Variants in OSBPL5 observed in about 807,000 individuals in gnomAD.
The protein encoded by OSBPL5 is oxysterol binding protein like 5, also known as oxysterol-binding protein-related protein 5.
In OSBPL5, 71 loss-of-function variants were observed where a neutral mutation model predicts 111.2. The ratio of observed to expected loss-of-function variants is 0.64; its 90% CI spans 0.53 to 0.78. The LOEUF (loss-of-function observed/expected upper bound fraction) is 0.78, where lower values mean the gene tolerates loss of function less well. Among genes scored for constraint, OSBPL5 ranks in the 30% least tolerant of loss-of-function variants. The probability of loss-of-function intolerance (pLI) is 0.00; values close to 1 mark genes in which losing one functional copy is unlikely to be tolerated. For synonymous variants in OSBPL5, 549 were observed against 513.9 expected, an observed-to-expected ratio of 1.07 and a Z score of -0.93; for missense variants, 1,210 against 1,189.3, an observed-to-expected ratio of 1.02 and a Z score of -0.26.
rs1484507780 is a variant in OSBPL5, at chr11:3,161,091, C to T, written c.-22+4125G>A. ...ACAGGCAGCCTGACCAGCTGCCTGC[C>T]GAGGTGGGGTATCCCTCAAATCTCC... On this transcript the variant is annotated intron_variant, in intron 1 of 21. Transcript: ENST00000263650. The surrounding 1 kb of genome is among the most constrained non-coding windows in gnomAD (Gnocchi z 8.0). The T allele has an allele frequency of 6.6e-6, 1 of 152,192 alleles. No homozygotes were observed. Among genetic ancestry groups the T allele is most frequent in the Non-Finnish European group, 1.5e-5 (1 of 68,030 alleles). 9.4% of individuals were successfully genotyped at this position (152,192 alleles called of 1,614,324 possible).
At chr11:3,099,250 C>A (rs1857377684) in intron 14 of OSBPL5, among the ~76,000 whole-genome samples, 1 of 152,160 alleles carries the variant, frequency 6.6e-6, no homozygotes, top group Non-Finnish European at 1.5e-5. Context: ...CACGTCTAAT[C>A]ATAAGGGATT....
At chr11:3,097,949 T>C (rs113415892) in intron 14 of OSBPL5, among the ~76,000 whole-genome samples, 3,169 of 152,192 alleles carry the variant, frequency 0.021, 106 homozygotes, top group African/African-American at 0.072. Flanking sequence ...GCGCCTGTAG[T>C]CCCAGCTACT....
rs34351257 is a variant in OSBPL5, at chr11:3,121,061, C to CTT, written c.403-439_403-438dup. Among the ~76,000 whole-genome samples the CTT allele has an allele frequency of 0.01, 1,324 of 130,320 alleles. 28 individuals are homozygous for CTT. The highest frequency in any genetic ancestry group is 0.034 in the African/African-American group (1,169 of 34,642). The allele number at this position is 130,320 out of a possible 152,430, so 85.5% of individuals were successfully genotyped here. A position where few individuals can be genotyped will look rare whatever the true frequency, so the allele number is the denominator to read the frequency against. On this transcript the variant is annotated intron_variant, in intron 5 of 21. Transcript: ENST00000263650. The surrounding 1 kb of genome is among the most constrained non-coding windows in gnomAD (Gnocchi z 4.3). The stretch of plus-strand genomic sequence containing the variant: ...CTTGTAACTGGCAGCTTTGTAGATT[C>CTT]TTTTTTTTTTTTTTTTTGAGACAGA...
chr11:3,125,887 C>T (rs1187115955), intron 3 of OSBPL5, among the ~76,000 whole-genome samples: 2 of 151,674 alleles, frequency 1.3e-5, no homozygotes, highest in East Asian at 3.9e-4. Flanking sequence ...GAGGCTGAGG[C>T]AGGAGAATGG....
chr11:3,090,067 T>A, intron 20 of OSBPL5, 119 bp from the exon 21 acceptor site: 2 of 702,964 alleles, frequency 2.8e-6, no homozygotes, highest in Non-Finnish European at 4.6e-6. Context: ...CCACCCCACC[T>A]CATGGGAAAC....
At chr11:3,117,326 G>A (rs147061403) in intron 7 of OSBPL5, among the ~76,000 whole-genome samples, 3 of 152,328 alleles carry the variant, frequency 2.0e-5, no homozygotes, top group Non-Finnish European at 2.9e-5. Flanking sequence ...AGGCCCAGGA[G>A]CTCCAAATTT....
chr11:3,103,840 GCAGCCCCTTTCCAGT>G (rs1857585320), intron 10 of OSBPL5, among the ~76,000 whole-genome samples: 2 of 81,032 alleles, frequency 2.5e-5, no homozygotes, highest in African/African-American at 8.4e-5. Context: ...TCCAGCCTCT[GCAGCCCCTTTCCAGT>G]CTGCGCAGCC....
At chr11:3,094,118 T>C in intron 15 of OSBPL5, 119 bp downstream of exon 15, 1 of 958,658 alleles carries the variant, frequency 1.0e-6, no homozygotes, top group Non-Finnish European at 1.6e-6. Context: ...CAACAGCTGC[T>C]CCCCTTATGT....
rs1157970230 is a variant in OSBPL5 at position 3,103,766 on chromosome 11, CCCCTTCCAGCCTCTGCAGT to C, written c.1244+408_1244+426del. On this transcript the variant is annotated intron_variant, in intron 10 of 21. Transcript: ENST00000263650. Reference sequence around the variant, plus strand: ...TGCAACCCTCTTCCAGCTCTGCAGCCCCCTTCCAGCCTCTGCAGTCCCTTCCTGCCTCTGCAGCCCTCTT... The same window carrying C: ...TGCAACCCTCTTCCAGCTCTGCAGCCCCCTTCCTGCCTCTGCAGCCCTCTT... Among the ~76,000 whole-genome samples the C allele has an allele frequency of 2.9e-3, 237 of 83,000 alleles. 6 individuals are homozygous for C. The highest frequency in any genetic ancestry group is 0.011 in the East Asian group (13 of 1,204). 54.5% of individuals were successfully genotyped at this position (83,000 alleles called of 152,430 possible).
At chr11:3,156,709 G>A (rs4297442) in intron 1 of OSBPL5, among the ~76,000 whole-genome samples, 94,268 of 152,206 alleles carry the variant, frequency 0.62, 29,927 homozygotes, top group African/African-American at 0.72. Flanking sequence ...TTATGCATAA[G>A]CGTTTTCATT....
intron 2 of OSBPL5, among the ~76,000 whole-genome samples, chr11:3,128,718 A>G (rs1187605851): frequency 6.6e-6 from 1 of 152,160 alleles, no homozygotes; most frequent in Non-Finnish European, 1.5e-5. Flanking sequence ...CCTGCACTCC[A>G]TAACTCCCAA....
intron 1 of OSBPL5, among the ~76,000 whole-genome samples, chr11:3,136,649 C>T (rs1448300403): frequency 6.6e-6 from 1 of 152,226 alleles, no homozygotes; most frequent in Admixed American, 6.5e-5. Context: ...TGCTCTGAGT[C>T]AGGGAGATGA....
At chr11:3,151,389 C>T (rs775581181) in intron 1 of OSBPL5, among the ~76,000 whole-genome samples, 35 of 152,238 alleles carry the variant, frequency 2.3e-4, no homozygotes, top group Non-Finnish European at 3.8e-4. Context: ...AAGGTGTGAA[C>T]GCCTCTTCCT....
Position 3,146,656 on chromosome 11 carries a change from C to G in OSBPL5, c.-21-17487G>C, listed in dbSNP as rs1846359077. On this transcript the variant is annotated intron_variant, in intron 1 of 21. Coordinates refer to ENST00000263650, the MANE Select transcript of OSBPL5 (RefSeq NM_020896.4). This position sits in a 1 kb window ranked among gnomAD's most constrained non-coding sequence, Gnocchi z 7.8. ...AGCTGCTAAGCCGCTGGGCACACAG[C>G]TGTGCCTGAGTGCAGGGGGAGAGGC... The G allele has an allele frequency of 6.6e-6, 1 of 152,098 alleles. No homozygotes were observed. The highest frequency in any genetic ancestry group is 2.4e-5 in the African/African-American group (1 of 41,374). 9.4% of individuals were successfully genotyped at this position (152,098 alleles called of 1,614,324 possible). A position where few individuals can be genotyped will look rare whatever the true frequency, so the allele number is the denominator to read the frequency against.
chr11:3,139,337 G>A (rs1010744250), intron 1 of OSBPL5, among the ~76,000 whole-genome samples: 4 of 152,218 alleles, frequency 2.6e-5, no homozygotes, highest in Non-Finnish European at 4.4e-5. Context: ...GGTCTGCCAG[G>A]GGCATCAGCT....
rs1857120908 is a variant in OSBPL5, at chr11:3,093,055, G to A, written c.1947-3C>T. The A allele has an allele frequency of 1.9e-6, 3 of 1,566,102 alleles. No individual in the cohort carries two copies. Among genetic ancestry groups the A allele is most frequent in the Non-Finnish European group, 2.6e-6 (3 of 1,157,300 alleles). On this transcript the variant is annotated splice_polypyrimidine_tract_variant and splice_region_variant and intron_variant, in intron 17 of 21. Coordinates refer to ENST00000263650, the MANE Select transcript of OSBPL5 (RefSeq NM_020896.4). ...CCCTGGTGACGTGCTGCCAGAGCCT[G>A]CGGGCCAGTGACCCATCCTGAGCCA...
In OSBPL5 at chr11:3,106,833, G is replaced by C. The variant is rs1857710967; in HGVS notation, c.1059+430C>G. ...TCTGTCTCATTCATGGCTCTCCCAGGGCCCCAGGAGAGCACCAGGTGTGCA... is the reference window on the plus strand; with the variant it reads ...TCTGTCTCATTCATGGCTCTCCCAGCGCCCCAGGAGAGCACCAGGTGTGCA... On this transcript the variant is annotated intron_variant, in intron 9 of 21. Transcript: ENST00000263650. This position sits in a 1 kb window ranked among gnomAD's most constrained non-coding sequence, Gnocchi z 8.4. 6.6e-6 allele frequency among the ~76,000 whole-genome samples: 1 copy of C among 152,134 alleles called. No homozygotes were observed. The highest frequency in any genetic ancestry group is 6.5e-5 in the Admixed American group (1 of 15,278).
intron 1 of OSBPL5, among the ~76,000 whole-genome samples, chr11:3,133,536 G>A (rs909850673): frequency 4.0e-5 from 6 of 149,622 alleles, no homozygotes; most frequent in Non-Finnish European, 7.5e-5. Context: ...TTGATGTGGC[G>A]GTCGCTCTCA....
intron 14 of OSBPL5, among the ~76,000 whole-genome samples, chr11:3,095,324 A>ATG (rs1309884575): frequency 6.7e-6 from 1 of 150,110 alleles, no homozygotes; most frequent in Non-Finnish European, 1.5e-5. Context: ...AAAAAAAAAA[A>ATG]AAAAGAAAAG....
Sources: allele counts gnomAD v4.1 joint callset (sites outside exome capture counted in the v4.1 genomes callset), GRCh38; gene constraint gnomAD v4.1.1; non-coding constraint Gnocchi (gnomAD v3.1); transcripts MANE v1.5; gene names NCBI Gene and HGNC (gene_info 2026-07-23, HGNC 2026-07-21).